PRSS37: variants seen among roughly 807,000 people sequenced by gnomAD.
The protein encoded by PRSS37 is serine protease 37.
PRSS37 carries 25 observed loss-of-function variants against 28.0 expected under a neutral mutation model. The ratio of observed to expected loss-of-function variants is 0.89; its 90% CI spans 0.65 to 1.25. PRSS37 has a LOEUF of 1.25. Ranked by LOEUF, PRSS37 falls within the 50% of genes most tolerant of loss-of-function variation. The pLI is 0.00. For synonymous variants in PRSS37, 109 were observed against 107.8 expected, an observed-to-expected ratio of 1.01 and a Z score of -0.07; for missense variants, 282 against 292.2, an observed-to-expected ratio of 0.97 and a Z score of 0.25.
At position 141,839,389 on chromosome 7, in the gene PRSS37, C is replaced by T. The variant is rs1295410391; in HGVS notation, c.125G>A (p.Gly42Asp). 1 of 1,613,758 alleles carries T rather than the reference C, an allele frequency of 6.2e-7. No homozygotes were observed. Among genetic ancestry groups the T allele is most frequent in the Non-Finnish European group, 8.5e-7 (1 of 1,179,788 alleles). Residue 42 changes from glycine (G) to aspartate (D), a missense_variant, in exon 2 of 5, where the codon GGC becomes GAC. Transcript: ENST00000350549. ...CACCCAGCTGGGTTTGATGAGGACG[C>T]CCACACAGGGGTTGAAGTGAGACTT... ...YLKSHFNPCV[G>D]VLIKPSWVLA...
chr7:141,838,906 C>A, intron 2 of PRSS37: 1 of 442,584 alleles, frequency 2.3e-6, no homozygotes, highest in African/African-American at 2.1e-5. Context: ...GTCTCCATAC[C>A]TTTGCAATTG....
intron 4 of PRSS37, among the ~76,000 whole-genome samples, 170 bp from the exon 5 acceptor site, chr7:141,836,705 G>T (rs1232116929): frequency 2.0e-5 from 3 of 152,110 alleles, no homozygotes; most frequent in African/African-American, 7.2e-5. Context: ...TTCTCATTTT[G>T]CTGTAATTAG....
At chr7:141,840,966 T>C (rs369440886) in intron 1 of PRSS37, 50 bp downstream of exon 1, 260 of 1,577,072 alleles carry the variant, frequency 1.6e-4, no homozygotes, top group Non-Finnish European at 2.0e-4. Flanking sequence ...TCTCACCCCA[T>C]CCATTAAACT....
At chr7:141,840,343 TC>T (rs1190342711) in intron 1 of PRSS37, among the ~76,000 whole-genome samples, 1 of 152,204 alleles carries the variant, frequency 6.6e-6, no homozygotes, top group Non-Finnish European at 1.5e-5. Context: ...CTCTTGCTAC[TC>T]CTGTTAACCT....
At chr7:141,838,155 C>T (rs776798099) in intron 2 of PRSS37, 42 bp from the exon 3 acceptor site, 1 of 1,611,684 alleles carries the variant, frequency 6.2e-7, no homozygotes, top group African/African-American at 1.3e-5. Context: ...TCATCATCAT[C>T]ATCATTGCTA....
intron 2 of PRSS37, chr7:141,839,059 C>T (rs1801070039): frequency 1.7e-6 from 1 of 593,452 alleles, no homozygotes; most frequent in Non-Finnish European, 3.1e-6. Flanking sequence ...GGAGGCATAA[C>T]ATGTAACACA....
In PRSS37 at chr7:141,836,549, T is replaced by C; in HGVS notation, c.568-14A>G. On this transcript the variant is annotated splice_polypyrimidine_tract_variant and intron_variant, in intron 4 of 4. Coordinates refer to ENST00000350549, the MANE Select transcript of PRSS37 (RefSeq NM_001008270.3). ...AACGGCCACCTCCTACCGGAGATCA[T>C]GCAGAGAGAGAGAGAGAGAGAGAGT... 1 of 1,606,716 alleles carries C rather than the reference T, an allele frequency of 6.2e-7. No individual in the cohort carries two copies. The highest frequency in any genetic ancestry group is 8.5e-7 in the Non-Finnish European group (1 of 1,175,832).
In PRSS37 at chr7:141,837,253, G is replaced by A; in HGVS notation, c.431-5C>T. 1 of 1,588,500 alleles carries A rather than the reference G, an allele frequency of 6.3e-7. No homozygotes were observed. Among genetic ancestry groups the A allele is most frequent in the South Asian group, 1.2e-5 (1 of 86,676 alleles). On this transcript the variant is annotated splice_region_variant and splice_polypyrimidine_tract_variant and intron_variant, in intron 3 of 4. Transcript: ENST00000350549. The stretch of plus-strand genomic sequence containing the variant: ...GCCGCAAGTCAGGGTGTCGGCCTGA[G>A]GGAGACGGGGATAAAATAAAACATC...
Position 141,839,380 on chromosome 7 carries a change from A to T in PRSS37, c.134T>A (p.Ile45Asn). The T allele has an allele frequency of 6.2e-7, 1 of 1,613,956 alleles. No individual in the cohort carries two copies. The highest frequency in any genetic ancestry group is 8.5e-7 in the Non-Finnish European group (1 of 1,179,848). Residue 45 changes from isoleucine to asparagine, a missense_variant, in exon 2 of 5, where the codon ATC becomes AAC. By Grantham distance (149) the Ile-to-Asn change is moderately radical. Transcript: ENST00000350549. The part of the protein sequence containing the change: ...SHFNPCVGVL[I>N]KPSWVLAPAH... Reference sequence around the variant, plus strand: ...TGGGGCCAGCACCCAGCTGGGTTTGATGAGGACGCCCACACAGGGGTTGAA... The same window carrying T: ...TGGGGCCAGCACCCAGCTGGGTTTGTTGAGGACGCCCACACAGGGGTTGAA...
chr7:141,839,775 G>A (rs1801096948), intron 1 of PRSS37, among the ~76,000 whole-genome samples: 1 of 151,908 alleles, frequency 6.6e-6, no homozygotes, highest in South Asian at 2.1e-4. Context: ...TTAGAAACAG[G>A]CATCAAGAAT....
At chr7:141,840,495 A>C (rs1355539282) in intron 1 of PRSS37, among the ~76,000 whole-genome samples, 1 of 152,240 alleles carries the variant, frequency 6.6e-6, no homozygotes, top group Non-Finnish European at 1.5e-5. Context: ...AGTGCTTTAC[A>C]TAGATTTATT....
At chr7:141,839,609 A>G (rs1801092202) in intron 1 of PRSS37, 130 bp from the exon 2 acceptor site, 1 of 619,738 alleles carries the variant, frequency 1.6e-6, no homozygotes, top group Admixed American at 3.6e-5. Context: ...CGTATTTGAC[A>G]TGTTTTTCTA....
chr7:141,837,632 G>C, intron 3 of PRSS37: 1 of 1,518,830 alleles, frequency 6.6e-7, no homozygotes, highest in East Asian at 2.5e-5. Flanking sequence ...ATGGCCTGGT[G>C]GCTCCAGCTG....
Position 141,838,025 on chromosome 7 carries a change from A to T in PRSS37, c.265T>A (p.Trp89Arg). 1 of 1,614,182 alleles carries T rather than the reference A, an allele frequency of 6.2e-7. No homozygotes were observed. The highest frequency in any genetic ancestry group is 8.5e-7 in the Non-Finnish European group (1 of 1,180,022). ...TGTGGGGCGCTATGACTGTAGTTCC[A>T]GTAGCGGACGATCTGAATGGGGTTA... Reference protein sequence around the residue: ...TINPIQIVRYWNYSHSAPQDD... With the variant: ...TINPIQIVRYRNYSHSAPQDD... The change falls in exon 3 of 5, where the codon TGG becomes AGG. Residue 89 changes from tryptophan (W) to arginine (R), a missense_variant. Trp to Arg is a moderately radical substitution (Grantham distance 101). Transcript: ENST00000350549.
rs1307717317 is a variant in PRSS37, at chr7:141,836,657, A to G, written c.568-122T>C. 5 of 1,045,856 alleles carry G rather than the reference A, an allele frequency of 4.8e-6. No homozygotes were observed. The East Asian group carries it at 1.3e-4, about 27-fold the overall frequency. 64.8% of individuals were successfully genotyped at this position (1,045,856 alleles called of 1,614,324 possible). A position where few individuals can be genotyped will look rare whatever the true frequency, so the allele number is the denominator to read the frequency against. On this transcript the variant is annotated intron_variant, in intron 4 of 4. Coordinates refer to ENST00000350549, the MANE Select transcript of PRSS37 (RefSeq NM_001008270.3). ...GCAGGCATATGCTGGACTCTTGAAA[A>G]GAGCACCGAATCAGGGGACAGGATG...
Position 141,841,142 on chromosome 7 carries a change from A to ACACTAAC in PRSS37, c.-94_-93insGTTAGTG. The ACACTAAC allele has an allele frequency of 6.3e-7, 1 of 1,598,318 alleles. No individual in the cohort carries two copies. The highest frequency in any genetic ancestry group is 8.5e-7 in the Non-Finnish European group (1 of 1,170,334). On this transcript the variant is annotated 5_prime_UTR_variant, in exon 1 of 5. It removes the in-frame stop codon of an upstream open reading frame in the 5' UTR. Transcript: ENST00000350549. Reference sequence around the variant, plus strand: ...TTGTCTTCTCAGGAACACCTGGTAGACTCAGTGGCTATGGTTAGATACGGA... The same window carrying ACACTAAC: ...TTGTCTTCTCAGGAACACCTGGTAGACACTAACCTCAGTGGCTATGGTTAGATACGGA...
rs1801138431 is a variant in PRSS37, at chr7:141,841,145, C to CA, written c.-97dup. On this transcript the variant is annotated 5_prime_UTR_variant, in exon 1 of 5. An upstream open reading frame in the 5' UTR gains an earlier in-frame stop. Transcript: ENST00000350549. The stretch of plus-strand genomic sequence containing the variant: ...TCTTCTCAGGAACACCTGGTAGACT[C>CA]AGTGGCTATGGTTAGATACGGAGGC... The CA allele has an allele frequency of 3.8e-6, 6 of 1,595,646 alleles. No individual in the cohort carries two copies. The highest frequency in any genetic ancestry group is 4.3e-6 in the Non-Finnish European group (5 of 1,168,960).
chr7:141,840,692 A>G (rs12532841), intron 1 of PRSS37, among the ~76,000 whole-genome samples: 71,428 of 152,018 alleles, frequency 0.47, 17,088 homozygotes, highest in East Asian at 0.76. Flanking sequence ...ATGTGGGGCA[A>G]GGACTACAGA....
chr7:141,840,633 G>T (rs887206191), intron 1 of PRSS37, among the ~76,000 whole-genome samples: 3 of 152,230 alleles, frequency 2.0e-5, no homozygotes, highest in African/African-American at 7.2e-5. Flanking sequence ...GGCAGTCAGA[G>T]AATGGTGGGA....
Sources: allele counts gnomAD v4.1 joint callset (sites outside exome capture counted in the v4.1 genomes callset), GRCh38; gene constraint gnomAD v4.1.1; transcripts MANE v1.5; gene names NCBI Gene and HGNC (gene_info 2026-07-23, HGNC 2026-07-21).